The following CSMD1 variants were observed in gnomAD, a reference collection of about 807,000 sequenced individuals.
CSMD1 encodes CUB and Sushi multiple domains 1.
Under a neutral mutation model 417.5 loss-of-function variants are expected in CSMD1, and 213 were observed. The observed-to-expected ratio is 0.51, with a 90% confidence interval of 0.46 to 0.57. The LOEUF is 0.57. Ranked by LOEUF, CSMD1 falls within the 20% of genes least tolerant of loss-of-function variation. The probability of loss-of-function intolerance (pLI) is 0.00; values close to 1 mark genes in which losing one functional copy is unlikely to be tolerated. For synonymous variants in CSMD1, 2,862 were observed against 1,736.8 expected (o/e 1.65, Z -16.11); for missense variants, 6,923 against 4,529.7 (o/e 1.53, Z -15.17).
intron 5 of CSMD1, among the ~76,000 whole-genome samples, chr8:3,934,930 A>G (rs1411744623): frequency 2.0e-5 from 3 of 152,188 alleles, no homozygotes; most frequent in Non-Finnish European, 4.4e-5. Flanking sequence ...GTACGGGAGT[A>G]GAGGGCATAT....
At chr8:4,103,492 A>G (rs1217714235) in intron 3 of CSMD1, among the ~76,000 whole-genome samples, 2 of 147,672 alleles carry the variant, frequency 1.4e-5, no homozygotes, top group Admixed American at 1.3e-4. Context: ...ACATATATAT[A>G]AATAAACATA....
chr8:4,607,678 C>T (rs866251069), intron 2 of CSMD1, among the ~76,000 whole-genome samples: 3 of 151,852 alleles, frequency 2.0e-5, no homozygotes, highest in Non-Finnish European at 4.4e-5. Context: ...AAAATTTCCA[C>T]CTTTTTTCCA....
intron 12 of CSMD1, among the ~76,000 whole-genome samples, chr8:3,441,567 C>G (rs533008900): frequency 3.6e-4 from 55 of 150,926 alleles, no homozygotes; most frequent in African/African-American, 1.2e-3. Flanking sequence ...AATGATGGAT[C>G]ATGTATACAA....
chr8:3,764,300 G>A (rs1360078314), intron 5 of CSMD1, among the ~76,000 whole-genome samples: 1 of 152,108 alleles, frequency 6.6e-6, no homozygotes, highest in Admixed American at 6.5e-5. Flanking sequence ...GTCTCTCCTT[G>A]TGCTGTAGGG....
chr8:3,755,854 G>C (rs1017766092), intron 5 of CSMD1, among the ~76,000 whole-genome samples: 4 of 152,006 alleles, frequency 2.6e-5, no homozygotes, highest in East Asian at 1.9e-4. Context: ...TCTTTGCTTG[G>C]ATTTATGTAG....
intron 5 of CSMD1, among the ~76,000 whole-genome samples, chr8:3,973,755 C>A (rs559475054): frequency 6.6e-6 from 1 of 152,178 alleles, no homozygotes; most frequent in Non-Finnish European, 1.5e-5. Flanking sequence ...CTAATGCAAA[C>A]CAACCAGTGT....
chr8:3,691,379 A>C (rs2981368), intron 7 of CSMD1, among the ~76,000 whole-genome samples: 5,049 of 151,694 alleles, frequency 0.033, 278 homozygotes, highest in African/African-American at 0.12. Flanking sequence ...AAAAAAAAAC[A>C]AAACAAAAAA....
chr8:3,018,366 C>T (rs571098229), intron 52 of CSMD1, 111 bp downstream of exon 52: 75 of 957,592 alleles, frequency 7.8e-5, no homozygotes, highest in African/African-American at 7.4e-4. Flanking sequence ...GCATTTCCAC[C>T]CCAGGTAGGA....
At chr8:4,086,209 A>G (rs1042912136) in intron 3 of CSMD1, among the ~76,000 whole-genome samples, 7 of 152,218 alleles carry the variant, frequency 4.6e-5, no homozygotes, top group South Asian at 2.1e-4. Flanking sequence ...GCTACAAAGT[A>G]TCACATCACT....
intron 3 of CSMD1, among the ~76,000 whole-genome samples, chr8:4,126,377 G>A (rs561787530): frequency 4.6e-5 from 7 of 152,280 alleles, no homozygotes; most frequent in African/African-American, 1.7e-4. Context: ...CAGCTATTCA[G>A]CATTCACACC....
At chr8:3,560,679 A>G (rs187362107) in intron 10 of CSMD1, among the ~76,000 whole-genome samples, 290 of 152,306 alleles carry the variant, frequency 1.9e-3, no homozygotes, top group Non-Finnish European at 3.3e-3. Context: ...GTCTTCATGG[A>G]AACCATGAAT....
intron 23 of CSMD1, among the ~76,000 whole-genome samples, chr8:3,314,776 A>G (rs924737): frequency 0.063 from 9,523 of 152,322 alleles, 458 homozygotes; most frequent in South Asian, 0.15. Flanking sequence ...TTAGAGTTCT[A>G]TGAGACTTGC....
chr8:4,042,247 A>T (rs546483944), intron 3 of CSMD1, among the ~76,000 whole-genome samples: 2 of 152,328 alleles, frequency 1.3e-5, no homozygotes, highest in South Asian at 2.1e-4. Flanking sequence ...CAAGGTGCCT[A>T]AATACAGCAA....
At chr8:3,254,366 T>C (rs1585811076) in intron 26 of CSMD1, among the ~76,000 whole-genome samples, 2 of 152,276 alleles carry the variant, frequency 1.3e-5, no homozygotes, top group East Asian at 3.9e-4. Context: ...GAGTTACTCT[T>C]CTCGAGGGGT....
chr8:4,404,135 T>C (rs1024823092), intron 3 of CSMD1, among the ~76,000 whole-genome samples: 6 of 152,216 alleles, frequency 3.9e-5, no homozygotes, highest in Non-Finnish European at 8.8e-5. Context: ...AGTGTTTATC[T>C]TTTTCTCAGC....
In CSMD1 at chr8:3,952,321, G is replaced by A. The variant is rs1305259573; in HGVS notation, c.818+45582C>T. On this transcript the variant is annotated intron_variant, in intron 5 of 69. Coordinates refer to ENST00000635120, the MANE Select transcript of CSMD1 (RefSeq NM_033225.6). ...AAGGTGTCGTGGCTATAAATTGCAT[G>A]CAGAAGCCAATAGAATAATTCAACC... Among the ~76,000 whole-genome samples, 5 of 152,154 alleles carry A rather than the reference G, an allele frequency of 3.3e-5. 1 individual carries two copies. In the South Asian group the frequency reaches 1.0e-3, roughly 32 times the overall value.
chr8:3,802,086 T>A (rs1468973074), intron 5 of CSMD1, among the ~76,000 whole-genome samples: 2 of 152,184 alleles, frequency 1.3e-5, no homozygotes, highest in Non-Finnish European at 2.9e-5. Flanking sequence ...TAAGGATATG[T>A]AAATTTTATC....
chr8:4,352,252 T>C (rs2128901832), intron 3 of CSMD1, among the ~76,000 whole-genome samples: 1 of 152,320 alleles, frequency 6.6e-6, no homozygotes, highest in East Asian at 1.9e-4. Flanking sequence ...AGGTTCTAAA[T>C]GGAAATGAAC....
At chr8:3,539,296 G>T (rs766654239) in intron 10 of CSMD1, among the ~76,000 whole-genome samples, 14 of 152,054 alleles carry the variant, frequency 9.2e-5, no homozygotes, top group Non-Finnish European at 1.9e-4. Context: ...TCCCCCTACT[G>T]CCTACCTCCC....
Sources: gnomAD v4.1 joint callset for allele counts (sites outside exome capture counted in the v4.1 genomes callset) on GRCh38, gnomAD v4.1.1 for gene constraint, MANE v1.5 for transcripts, NCBI Gene and HGNC (gene_info 2026-07-23, HGNC 2026-07-21) for gene names.